PCDH9: variants seen among roughly 807,000 people sequenced by gnomAD.
The protein encoded by PCDH9 is protocadherin-9.
A neutral mutation model predicts 70.6 loss-of-function variants in PCDH9; 24 were observed. The observed-to-expected ratio is 0.34, with a 90% CI of 0.25 to 0.48. The LOEUF (loss-of-function observed/expected upper bound fraction) is 0.48. Among genes scored for constraint, PCDH9 ranks in the 20% least tolerant of loss-of-function variants. PCDH9 has a pLI of 0.99. For synonymous variants in PCDH9, 562 were observed against 558.5 expected (o/e 1.01, Z -0.09); for missense variants, 1,281 against 1,503.6 (o/e 0.85, Z 2.45).
chr13:67,064,466 CTA>C (rs1206093210), intron 2 of PCDH9, among the ~76,000 whole-genome samples: 1 of 152,100 alleles, frequency 6.6e-6, no homozygotes, highest in African/African-American at 2.4e-5. Context: ...TAAGGAATAA[CTA>C]TTTTTAAAAA....
chr13:66,867,001 C>T (rs1004409583), intron 3 of PCDH9, among the ~76,000 whole-genome samples: 1 of 147,890 alleles, frequency 6.8e-6, no homozygotes, highest in Non-Finnish European at 1.5e-5. Flanking sequence ...TGTTAATGAC[C>T]AAATCAGTTT....
At chr13:66,722,648 C>A (rs2139156209) in intron 3 of PCDH9, among the ~76,000 whole-genome samples, 1 of 151,856 alleles carries the variant, frequency 6.6e-6, no homozygotes. Context: ...TCTTTGTGGA[C>A]AAAGACAAGC....
At chr13:66,800,160 G>T (rs1859576962) in intron 3 of PCDH9, among the ~76,000 whole-genome samples, 1 of 152,046 alleles carries the variant, frequency 6.6e-6, no homozygotes, top group Non-Finnish European at 1.5e-5. Flanking sequence ...CCCAGATGTT[G>T]CAATCCCTCT....
chr13:66,325,353 T>A (rs1305160444), intron 4 of PCDH9, among the ~76,000 whole-genome samples: 1 of 152,068 alleles, frequency 6.6e-6, no homozygotes, highest in Non-Finnish European at 1.5e-5. Context: ...CCCAGCTCCA[T>A]GAATTAAGGT....
chr13:66,999,019 A>G (rs1488936178), intron 2 of PCDH9, among the ~76,000 whole-genome samples: 1 of 152,268 alleles, frequency 6.6e-6, no homozygotes, highest in Non-Finnish European at 1.5e-5. Context: ...GTCCTTTGCC[A>G]TCAAAATCAA....
intron 4 of PCDH9, among the ~76,000 whole-genome samples, chr13:66,530,436 C>T (rs1266056037): frequency 6.6e-6 from 1 of 151,860 alleles, no homozygotes; most frequent in East Asian, 1.9e-4. Context: ...CATAGTTATA[C>T]CTTTATTTTG....
At chr13:66,964,455 G>A (rs371608666) in intron 2 of PCDH9, among the ~76,000 whole-genome samples, 1 of 152,120 alleles carries the variant, frequency 6.6e-6, no homozygotes, top group African/African-American at 2.4e-5. Flanking sequence ...CCTTGGCTTT[G>A]ATCTACCAGG....
chr13:66,988,563 A>G (rs2083939237), intron 2 of PCDH9, among the ~76,000 whole-genome samples: 2 of 152,026 alleles, frequency 1.3e-5, no homozygotes, highest in Non-Finnish European at 2.9e-5. Context: ...GAGTATTGCT[A>G]TATAAGGTTG....
At chr13:66,366,272 TAA>T (rs1355962240) in intron 4 of PCDH9, among the ~76,000 whole-genome samples, 1 of 152,056 alleles carries the variant, frequency 6.6e-6, no homozygotes, top group African/African-American at 2.4e-5. Flanking sequence ...TTTGCAGAAT[TAA>T]AAAGTTATTT....
intron 4 of PCDH9, among the ~76,000 whole-genome samples, chr13:66,410,940 A>G (rs1235462853): frequency 6.6e-6 from 1 of 152,192 alleles, no homozygotes; most frequent in Non-Finnish European, 1.5e-5. Flanking sequence ...AAAAACAACA[A>G]ATAAAACCTA....
At chr13:66,730,880 T>TTTTTG in intron 3 of PCDH9, among the ~76,000 whole-genome samples, 1 of 15,216 alleles carries the variant, frequency 6.6e-5, no homozygotes, top group East Asian at 7.4e-3. Context: ...GTGTGTGTTT[T>TTTTTG]TTTTTTGTTT....
intron 3 of PCDH9, among the ~76,000 whole-genome samples, chr13:66,797,002 A>T (rs1182279004): frequency 1.3e-5 from 2 of 152,122 alleles, no homozygotes; most frequent in Admixed American, 1.3e-4. Context: ...GCAGTGAAAT[A>T]ATACAGCTTA....
chr13:67,054,127 A>C (rs1329913810), intron 2 of PCDH9, among the ~76,000 whole-genome samples: 3 of 152,154 alleles, frequency 2.0e-5, no homozygotes, highest in African/African-American at 4.8e-5. Flanking sequence ...GGGACAAACC[A>C]TTACATTACA....
At chr13:66,708,056 T>A (rs536519933) in intron 3 of PCDH9, among the ~76,000 whole-genome samples, 2,601 of 151,740 alleles carry the variant, frequency 0.017, 84 homozygotes, top group African/African-American at 0.06. Flanking sequence ...TTTTATTTTT[T>A]TTTTATTTTT....
chr13:67,213,289 G>C (rs1028442133), intron 2 of PCDH9: 1 of 141,576 alleles, frequency 7.1e-6, no homozygotes, highest in Admixed American at 7.2e-5. Flanking sequence ...ACATAAAATG[G>C]TAGCCTTTTG....
intron 4 of PCDH9, among the ~76,000 whole-genome samples, chr13:66,537,980 A>G (rs1235924356): frequency 6.6e-6 from 1 of 152,132 alleles, no homozygotes; most frequent in Non-Finnish European, 1.5e-5. Flanking sequence ...TTTTAAGGCC[A>G]CTGAAAAATC....
At position 66,304,894 on chromosome 13, in the gene PCDH9, AGAGAG is replaced by A; in HGVS notation, c.3470_3474del (p.Pro1157LeufsTer36). ...CATTCTTTCTGGGGTGCAAAGGTTG[AGAGAG>A]GAGATTTGGGGTGTTGATATGGACC... is the stretch of plus-strand genomic sequence containing the variant. On this transcript the variant is annotated frameshift_variant, in exon 5 of 5. Transcript: ENST00000377865. LOFTEE classifies it high-confidence loss of function. The A allele has an allele frequency of 6.2e-7, 1 of 1,613,538 alleles. No individual in the cohort carries two copies. The highest frequency in any genetic ancestry group is 8.5e-7 in the Non-Finnish European group (1 of 1,179,742).
intron 4 of PCDH9, among the ~76,000 whole-genome samples, chr13:66,329,981 T>G (rs565784196): frequency 2.6e-5 from 4 of 152,336 alleles, no homozygotes; most frequent in Non-Finnish European, 5.9e-5. Context: ...GTTCTGAATA[T>G]AAATGTTGTA....
chr13:66,841,746 T>C (rs1170338999), intron 3 of PCDH9, among the ~76,000 whole-genome samples: 1 of 152,232 alleles, frequency 6.6e-6, no homozygotes, highest in African/African-American at 2.4e-5. Flanking sequence ...AATGTTTACT[T>C]TGTAGCTCAA....
Sources: gnomAD v4.1 joint callset for allele counts (sites outside exome capture counted in the v4.1 genomes callset) on GRCh38, gnomAD v4.1.1 for gene constraint, MANE v1.5 for transcripts, NCBI Gene and HGNC (gene_info 2026-07-23, HGNC 2026-07-21) for gene names.